NTM: variants seen among roughly 807,000 people sequenced by gnomAD.
The protein encoded by NTM is IgLON family member 2.
NTM carries 13 observed loss-of-function variants against 42.1 expected under a neutral mutation model. The ratio of observed to expected loss-of-function variants is 0.31; its 90% CI spans 0.20 to 0.49. NTM has a LOEUF of 0.49. NTM is among the 20% of genes least tolerant of loss of function. NTM has a pLI of 0.99. For synonymous variants in NTM, 187 were observed against 179.2 expected, an observed-to-expected ratio of 1.04 and a Z score of -0.35; for missense variants, 373 against 452.8, an observed-to-expected ratio of 0.82 and a Z score of 1.60.
chr11:132,005,957 T>G (rs532830843), intron 2 of NTM, among the ~76,000 whole-genome samples: 2 of 152,338 alleles, frequency 1.3e-5, no homozygotes, highest in South Asian at 4.1e-4. Context: ...TAACCACATT[T>G]GCGTGTTTCA....
At chr11:131,910,322 C>T (rs1158589594) in intron 1 of NTM, among the ~76,000 whole-genome samples, 1 of 152,156 alleles carries the variant, frequency 6.6e-6, no homozygotes, top group East Asian at 1.9e-4. Context: ...ATTAAGATGT[C>T]TCAAGTCTGA....
intron 2 of NTM, among the ~76,000 whole-genome samples, chr11:132,063,941 T>C (rs889129328): frequency 2.6e-4 from 40 of 152,320 alleles, no homozygotes; most frequent in African/African-American, 9.6e-4. Flanking sequence ...ACACTTAACA[T>C]GACCCACAAA....
intron 4 of NTM, among the ~76,000 whole-genome samples, chr11:132,265,946 T>C (rs1023135071): frequency 2.0e-5 from 3 of 152,106 alleles, no homozygotes; most frequent in African/African-American, 7.2e-5. Flanking sequence ...AGGTTCAGGG[T>C]TCCTAGAAGA....
chr11:131,561,081 G>A (rs867885456), intron 1 of NTM, among the ~76,000 whole-genome samples: 2 of 152,240 alleles, frequency 1.3e-5, no homozygotes, highest in East Asian at 1.9e-4. Context: ...AGTGGCTGCA[G>A]GTGCAATCTG....
intron 1 of NTM, among the ~76,000 whole-genome samples, chr11:131,505,812 T>A (rs1173522091): frequency 1.3e-5 from 2 of 152,196 alleles, no homozygotes; most frequent in Non-Finnish European, 2.9e-5. Flanking sequence ...CAGAAGGAAG[T>A]GCAGCAGCAG....
At chr11:131,482,129 AT>A (rs1953668380) in intron 1 of NTM, among the ~76,000 whole-genome samples, 1 of 152,210 alleles carries the variant, frequency 6.6e-6, no homozygotes, top group Non-Finnish European at 1.5e-5. Context: ...ATTAATGACC[AT>A]TAATGGTCAA....
Position 131,829,100 on chromosome 11 carries a change from C to A in NTM, c.83-82464C>A, listed in dbSNP as rs182880997. Among the ~76,000 whole-genome samples the A allele has an allele frequency of 9.0e-4, 137 of 152,006 alleles. 2 individuals are homozygous for A. The highest frequency in any genetic ancestry group is 3.1e-3 in the African/African-American group (130 of 41,446). The stretch of plus-strand genomic sequence containing the variant: ...AATCACCCCTTTGCCTAAGCTTAGA[C>A]CCAGTAATGAGAACTTCCAGAGCAT... On this transcript the variant is annotated intron_variant, in intron 1 of 8. Coordinates refer to ENST00000683400, the MANE Select transcript of NTM (RefSeq NM_001352005.2).
intron 7 of NTM, among the ~76,000 whole-genome samples, chr11:132,320,107 C>CCAAT (rs1344585628): frequency 3.3e-5 from 5 of 152,210 alleles, no homozygotes; most frequent in Admixed American, 6.5e-5. Flanking sequence ...ACACCAAAAA[C>CCAAT]CAATCAGTAC....
intron 2 of NTM, among the ~76,000 whole-genome samples, chr11:132,035,985 G>A (rs566948227): frequency 2.9e-4 from 44 of 152,212 alleles, no homozygotes; most frequent in African/African-American, 1.0e-3. Context: ...GCATCATTAC[G>A]CGGGGGTGAC....
chr11:132,108,255 T>A (rs1224470572), intron 2 of NTM, among the ~76,000 whole-genome samples: 1 of 152,218 alleles, frequency 6.6e-6, no homozygotes, highest in Admixed American at 6.5e-5. Context: ...TCCGCTGTCA[T>A]CAAAACGACA....
At chr11:131,724,714 G>A (rs1161315017) in intron 1 of NTM, among the ~76,000 whole-genome samples, 2 of 152,166 alleles carry the variant, frequency 1.3e-5, no homozygotes, top group African/African-American at 4.8e-5. Flanking sequence ...GAACGACAAG[G>A]CCCGGCAGAA....
rs762412439 is a variant in NTM at position 132,310,017 on chromosome 11, C to T, written c.662-95C>T. The T allele has an allele frequency of 1.4e-5, 20 of 1,432,500 alleles. 1 individual carries two copies. Among genetic ancestry groups the T allele is most frequent in the Middle Eastern group, 2.6e-4 (1 of 3,802 alleles). The allele number at this position is 1,432,500 out of a possible 1,614,324, so 88.7% of individuals were successfully genotyped here. On this transcript the variant is annotated intron_variant, in intron 5 of 8. Coordinates refer to ENST00000683400, the MANE Select transcript of NTM (RefSeq NM_001352005.2). ...CGTGCAGTGAGCCAAGATCATGCCACTGCATTCCAGCCTGAGCCACAAGAG... is the reference window on the plus strand; with the variant it reads ...CGTGCAGTGAGCCAAGATCATGCCATTGCATTCCAGCCTGAGCCACAAGAG...
chr11:131,878,275 A>G (rs1219858176), intron 1 of NTM, among the ~76,000 whole-genome samples: 1 of 151,962 alleles, frequency 6.6e-6, no homozygotes, highest in Non-Finnish European at 1.5e-5. Context: ...TTTCTTTAAT[A>G]AAAAATATGT....
intron 2 of NTM, among the ~76,000 whole-genome samples, chr11:132,135,577 C>G (rs536498506): frequency 6.6e-6 from 1 of 152,196 alleles, no homozygotes; most frequent in Non-Finnish European, 1.5e-5. Flanking sequence ...CCAGGGTGAC[C>G]AGGCCCTTTT....
chr11:132,099,954 C>T (rs775721792), intron 2 of NTM, among the ~76,000 whole-genome samples: 8 of 152,136 alleles, frequency 5.3e-5, no homozygotes, highest in African/African-American at 1.7e-4. Flanking sequence ...CTTTCATTTC[C>T]TTCCCCCACT....
intron 1 of NTM, among the ~76,000 whole-genome samples, chr11:131,863,363 A>G (rs539361530): frequency 1.3e-5 from 2 of 152,042 alleles, no homozygotes; most frequent in Non-Finnish European, 2.9e-5. Context: ...CTTTTTCTTT[A>G]TTGCAAACCT....
intron 1 of NTM, among the ~76,000 whole-genome samples, chr11:131,401,941 T>A (rs1221734249): frequency 1.4e-5 from 2 of 147,046 alleles, no homozygotes; most frequent in South Asian, 2.2e-4. Context: ...TAGTTACAGA[T>A]GTAGGAGAGA....
chr11:131,827,816 T>C (rs142514329), intron 1 of NTM, among the ~76,000 whole-genome samples: 6 of 152,298 alleles, frequency 3.9e-5, no homozygotes, highest in East Asian at 1.9e-4. Flanking sequence ...AATGATCAAA[T>C]TTTCTGGACA....
chr11:131,664,188 G>C (rs1446476028), intron 1 of NTM, among the ~76,000 whole-genome samples: 1 of 152,218 alleles, frequency 6.6e-6, no homozygotes, highest in Non-Finnish European at 1.5e-5. Flanking sequence ...GCCTGCATCT[G>C]TTACCAATTT....
Sources: allele counts gnomAD v4.1 joint callset (sites outside exome capture counted in the v4.1 genomes callset), GRCh38; gene constraint gnomAD v4.1.1; transcripts MANE v1.5; gene names NCBI Gene and HGNC (gene_info 2026-07-23, HGNC 2026-07-21).